Variants in SPAG8 observed in about 807,000 individuals in gnomAD.
SPAG8 encodes the protein sperm associated antigen 8.
SPAG8 carries 36 observed loss-of-function variants against 45.3 expected under a neutral mutation model. The ratio of observed to expected loss-of-function variants is 0.80; its 90% CI spans 0.61 to 1.05. The LOEUF (loss-of-function observed/expected upper bound fraction) is 1.05, where lower values mean the gene tolerates loss of function less well. SPAG8 is among the 50% of genes least tolerant of loss of function. The pLI is 0.00. For missense variants in SPAG8, 573 were observed against 609.2 expected (o/e 0.94, Z 0.63); for synonymous variants, 227 against 232.6 (o/e 0.98, Z 0.22).
Position 35,812,255 on chromosome 9 carries a change from T to C in SPAG8, c.-108A>G, listed in dbSNP as rs114309276. On this transcript the variant is annotated 5_prime_UTR_variant, in exon 1 of 7. Transcript: ENST00000396638. ...CAGGTGGCGGTGGAGGCAAGTCCTC[T>C]GCGGGGCGGAAGTCTTCAGCCTAGT... The C allele has an allele frequency of 9.6e-4, 1,240 of 1,288,196 alleles. 12 individuals carry two copies. In the African/African-American group the frequency reaches 0.016, roughly 17 times the overall value. 79.8% of individuals were successfully genotyped at this position (1,288,196 alleles called of 1,614,324 possible). A position where few individuals can be genotyped will look rare whatever the true frequency, so the allele number is the denominator to read the frequency against.
At position 35,809,978 on chromosome 9, in the gene SPAG8, C is replaced by A; in HGVS notation, c.1418G>T (p.Gly473Val). Residue 473 changes from glycine to valine, a missense_variant, in exon 7 of 7, where the codon GGA becomes GTA. By Grantham distance (109) the Gly-to-Val change is moderately radical. Transcript: ENST00000396638. The surrounding 1 kb of genome is among the most constrained non-coding windows in gnomAD (Gnocchi z 4.1). The part of the protein sequence containing the change: ...GEISSLPCPG[G>V]RLGGGGGRMT... ...TCTCCCCCCTCCACCACCCAGCCTT[C>A]CTCCGGGACAGGGAAGGGAAGATAT... The A allele has an allele frequency of 6.2e-7, 1 of 1,600,196 alleles. No individual in the cohort carries two copies. Among genetic ancestry groups the A allele is most frequent in the Non-Finnish European group, 8.5e-7 (1 of 1,173,332 alleles).
intron 6 of SPAG8, 35 bp downstream of exon 6, chr9:35,810,212 C>T (rs775234413): frequency 1.7e-5 from 28 of 1,612,350 alleles, no homozygotes; most frequent in South Asian, 4.4e-5. Flanking sequence ...TTTCCTGCCC[C>T]GCTCTGCCCC....
downstream of SPAG8, chr9:35,809,604 C>A: frequency 8.1e-7 from 1 of 1,230,066 alleles, no homozygotes; most frequent in Non-Finnish European, 1.2e-6. The surrounding 1 kb of genome is among the most constrained non-coding windows in gnomAD (Gnocchi z 4.1). Context: ...CTCTGCAGCT[C>A]AGCCCTGTAC....
At chr9:35,808,448 T>C (rs1443079633), downstream of SPAG8, 10 of 1,564,428 alleles carry the variant, frequency 6.4e-6, no homozygotes, top group Non-Finnish European at 7.9e-6. The surrounding 1 kb of genome is among the most constrained non-coding windows in gnomAD (Gnocchi z 4.0). Context: ...TGTCTCCCTC[T>C]ACTTTTTCCC....
chr9:35,809,122 C>T (rs751536455), downstream of SPAG8: 4 of 1,565,492 alleles, frequency 2.6e-6, no homozygotes, highest in South Asian at 2.2e-5. The surrounding 1 kb of genome is among the most constrained non-coding windows in gnomAD (Gnocchi z 4.1). Flanking sequence ...TTTGATTCCT[C>T]ATTCCACCAT....
intron 4 of SPAG8, 25 bp from the exon 5 acceptor site, chr9:35,810,578 G>C (rs775494020): frequency 6.2e-7 from 1 of 1,613,874 alleles, no homozygotes; most frequent in South Asian, 1.1e-5. Context: ...GGGTGTCAAG[G>C]CCATTCTCAC....
chr9:35,808,991 TA>T, downstream of SPAG8: 1 of 928,064 alleles, frequency 1.1e-6, no homozygotes, highest in Non-Finnish European at 1.8e-6. This position sits in a 1 kb window ranked among gnomAD's most constrained non-coding sequence, Gnocchi z 4.0. Context: ...TTGGTTCTAA[TA>T]GATATGCATT....
At chr9:35,811,146 C>G in intron 2 of SPAG8, 36 bp downstream of exon 2, 1 of 1,556,966 alleles carries the variant, frequency 6.4e-7, no homozygotes, top group South Asian at 1.2e-5. Context: ...CTGAGGGCAG[C>G]CTTCAAGAAA....
At position 35,811,943 on chromosome 9, in the gene SPAG8, A is replaced by G. The variant is rs375255131; in HGVS notation, c.103T>C (p.Ser35Pro). Residue 35 changes from serine (S) to proline (P), a missense_variant, in exon 2 of 7, where the codon TCT becomes CCT. Transcript: ENST00000396638. ...GCCGACCTGGGACTGTCATCTGAAG[A>G]AGGAAACGGTTCCGAAGTGGGCCCC... The part of the protein sequence containing the change: ...GLGPTSEPFP[S>P]SDDSPRSALA... 3.7e-6 allele frequency: 6 copies of G among 1,602,702 alleles called. No homozygotes were observed. In the South Asian group the frequency reaches 4.4e-5, roughly 12 times the overall value.
chr9:35,808,766 G>A, downstream of SPAG8: 1 of 1,613,652 alleles, frequency 6.2e-7, no homozygotes, highest in South Asian at 1.1e-5. The surrounding 1 kb of genome is among the most constrained non-coding windows in gnomAD (Gnocchi z 4.0). Flanking sequence ...GCCAGTCTGT[G>A]CTGGGGTTGT....
rs1319249250 is a variant in SPAG8, at chr9:35,811,634, C to G, written c.412G>C (p.Val138Leu). Reference sequence around the variant, plus strand: ...ACAGGCCCAGAGCTAGAGCCTGGAACAGGGCCAGGATTAGAACTATGGTCA... The same window carrying G: ...ACAGGCCCAGAGCTAGAGCCTGGAAGAGGGCCAGGATTAGAACTATGGTCA... The part of the protein sequence containing the change: ...TTDHSSNPGP[V>L]PGSSSGPVLG... Residue 138 changes from valine to leucine, a missense_variant, in exon 2 of 7, where the codon GTT (valine) becomes CTT (leucine). By Grantham distance (32) the Val-to-Leu change is conservative. Transcript: ENST00000396638. 6.2e-7 allele frequency: 1 copy of G among 1,613,984 alleles called. No individual in the cohort carries two copies. The highest frequency in any genetic ancestry group is 8.5e-7 in the Non-Finnish European group (1 of 1,180,024).
downstream of SPAG8, chr9:35,809,447 C>T (rs778618798): frequency 3.7e-6 from 6 of 1,614,060 alleles, no homozygotes; most frequent in Admixed American, 1.0e-4. The surrounding 1 kb of genome is among the most constrained non-coding windows in gnomAD (Gnocchi z 4.1). Flanking sequence ...CTCCTGTAAA[C>T]CCCCATTCTT....
At chr9:35,809,420 G>A (rs146546770), downstream of SPAG8, 141 of 1,614,032 alleles carry the variant, frequency 8.7e-5, no homozygotes, top group African/African-American at 4.5e-4. This position sits in a 1 kb window ranked among gnomAD's most constrained non-coding sequence, Gnocchi z 4.1. Context: ...TTAGGAGAGC[G>A]GAAAGGACCT....
downstream of SPAG8, chr9:35,809,665 A>G: frequency 8.9e-7 from 1 of 1,124,090 alleles, no homozygotes; most frequent in Non-Finnish European, 1.3e-6. The surrounding 1 kb of genome is among the most constrained non-coding windows in gnomAD (Gnocchi z 4.1). Context: ...CTTTCTGTAA[A>G]TATCTGTATC....
chr9:35,808,278 G>A (rs1264860622), downstream of SPAG8: 12 of 1,613,506 alleles, frequency 7.4e-6, no homozygotes, highest in Admixed American at 6.7e-5. The surrounding 1 kb of genome is among the most constrained non-coding windows in gnomAD (Gnocchi z 4.0). Flanking sequence ...CATTCATTCC[G>A]CAAATGTTTA....
chr9:35,811,347 C>T lies in SPAG8; in HGVS notation c.699G>A (p.Gln233=), dbSNP rs776688420. ...DRVPNYTSWS[Q]HCPWEPQKQP... ...GTTTCTGGGGCTCCCAGGGGCAGTG[C>T]TGACTCCAGGAGGTATAGTTAGGGA... Residue 233 remains glutamine, a synonymous_variant, in exon 2 of 7, where the codon CAG becomes CAA. Transcript: ENST00000396638. 6.2e-7 allele frequency: 1 copy of T among 1,614,164 alleles called. No homozygotes were observed. Among genetic ancestry groups the T allele is most frequent in the Non-Finnish European group, 8.5e-7 (1 of 1,180,026 alleles).
rs750921618 is a variant in SPAG8, at chr9:35,810,510, C to T, written c.1129G>A (p.Glu377Lys). ...AEQEPTRKLF[E>K]VESVTHHDYR... Reference sequence around the variant, plus strand: ...TCATGGTGTGTCACAGACTCAACCTCGAAGAGCTTCCTTGTGGGTTCCTGT... The same window carrying T: ...TCATGGTGTGTCACAGACTCAACCTTGAAGAGCTTCCTTGTGGGTTCCTGT... The change falls in exon 5 of 7, where the codon GAG (glutamate) becomes AAG (lysine). Residue 377 changes from glutamate to lysine, a missense_variant. Glu to Lys is a moderately conservative substitution (Grantham distance 56). Transcript: ENST00000396638. 7 of 1,614,044 alleles carry T rather than the reference C, an allele frequency of 4.3e-6. No individual in the cohort carries two copies. Among genetic ancestry groups the T allele is most frequent in the East Asian group, 2.2e-5 (1 of 44,892 alleles).
rs751274757 is a variant in SPAG8 at position 35,811,731 on chromosome 9, A to G, written c.315T>C (p.Asn105=). 1.2e-6 allele frequency: 2 copies of G among 1,614,226 alleles called. No homozygotes were observed. The highest frequency in any genetic ancestry group is 1.1e-5 in the South Asian group (1 of 91,088). The change falls in exon 2 of 7, where the codon AAT becomes AAC. Residue 105 remains asparagine (N), a synonymous_variant. Coordinates refer to ENST00000396638, the MANE Select transcript of SPAG8 (RefSeq NM_001039592.2). ...CAAAGCCAAGACTCCCATGGGCTATATTGTGGGTAAAGCCGGGTCCCGCAC... is the reference window on the plus strand; with the variant it reads ...CAAAGCCAAGACTCCCATGGGCTATGTTGTGGGTAAAGCCGGGTCCCGCAC... ...EPCAGPGFTH[N]IAHGSLGFEP...
rs1438635600 is a variant in SPAG8, at chr9:35,811,579, C to G, written c.467G>C (p.Gly156Ala). The change falls in exon 2 of 7, where the codon GGC (glycine) becomes GCC (alanine). Residue 156 changes from glycine (G) to alanine (A), a missense_variant. By Grantham distance (60) the Gly-to-Ala change is moderately conservative. Transcript: ENST00000396638. ...GCCAGGACCAGAGCCAGAGCCAGAG[C>G]CATGGCCAGCACCTGAGCTGGAACC... ...VLGSSSGAGH[G>A]SGSGSGPGCG... The G allele has an allele frequency of 6.2e-7, 1 of 1,613,544 alleles. No homozygotes were observed.
Sources: gnomAD v4.1 joint callset for allele counts on GRCh38, gnomAD v4.1.1 for gene constraint, Gnocchi (gnomAD v3.1) non-coding constraint, MANE v1.5 for transcripts, NCBI Gene and HGNC (gene_info 2026-07-23, HGNC 2026-07-21) for gene names.